The following EXOC6B variants were observed in gnomAD, a reference collection of about 807,000 sequenced individuals.
EXOC6B encodes the protein SEC15 homolog B.
EXOC6B carries 54 observed loss-of-function variants against 113.5 expected under a neutral mutation model. The observed-to-expected ratio is 0.48, with a 90% confidence interval of 0.38 to 0.60. The LOEUF (loss-of-function observed/expected upper bound fraction) is 0.60, where lower values mean the gene tolerates loss of function less well. Among genes scored for constraint, EXOC6B ranks in the 20% least tolerant of loss-of-function variants. The pLI is 0.00. For missense variants in EXOC6B, 797 were observed against 977.5 expected, an observed-to-expected ratio of 0.82 and a Z score of 2.46; for synonymous variants, 357 against 339.0, an observed-to-expected ratio of 1.05 and a Z score of -0.58.
chr2:72,197,515 C>T (rs979628267), intron 20 of EXOC6B, among the ~76,000 whole-genome samples: 11 of 151,938 alleles, frequency 7.2e-5, no homozygotes, highest in African/African-American at 2.4e-4. Context: ...CTATATTCCA[C>T]GGGGAGTGGT....
chr2:72,179,405 C>T lies in EXOC6B; in HGVS notation c.2366G>A (p.Arg789Gln), dbSNP rs1377247338. 1.9e-6 allele frequency: 3 copies of T among 1,613,630 alleles called. No homozygotes were observed. Among genetic ancestry groups the T allele is most frequent in the Non-Finnish European group, 2.5e-6 (3 of 1,179,844 alleles). ...GGTGTCAATGAGTTTCTGCTTGTCTCGCTCATTTTTCCGAAACTGTGCAAA... is the reference window on the plus strand; with the variant it reads ...GGTGTCAATGAGTTTCTGCTTGTCTTGCTCATTTTTCCGAAACTGTGCAAA... ...NMFAQFRKNE[R>Q]DKQKLIDTVA... The change falls in exon 22 of 22, where the codon CGA (arginine) becomes CAA (glutamine). Residue 789 changes from arginine (R) to glutamine (Q), a missense_variant. Arg to Gln is a conservative substitution (Grantham distance 43, BLOSUM62 1). Transcript: ENST00000272427.
chr2:72,807,420 G>C (rs541256688), intron 1 of EXOC6B, among the ~76,000 whole-genome samples: 1 of 152,216 alleles, frequency 6.6e-6, no homozygotes, highest in South Asian at 2.1e-4. Context: ...TTTGGTTACT[G>C]AATCCCTGTA....
At chr2:72,631,497 G>T (rs1458851688) in intron 6 of EXOC6B, among the ~76,000 whole-genome samples, 7 of 112,986 alleles carry the variant, frequency 6.2e-5, no homozygotes, top group African/African-American at 2.0e-4. Context: ...GAGAGAGAGA[G>T]AGAGAGAGAG....
chr2:72,374,946 T>A lies in EXOC6B; in HGVS notation c.2122+4783A>T, dbSNP rs565507820. 1.1e-3 allele frequency among the ~76,000 whole-genome samples: 163 copies of A among 151,912 alleles called. 2 individuals are homozygous for A. The South Asian group carries it at 0.011, about 10-fold the overall frequency. On this transcript the variant is annotated intron_variant, in intron 19 of 21. Coordinates refer to ENST00000272427, the MANE Select transcript of EXOC6B (RefSeq NM_015189.3). ...AGCTGTGTACAACTTCATATTTTTT[T>A]AAAAAATTAAAAGAGAAAGATAGAA... is the stretch of plus-strand genomic sequence containing the variant.
chr2:72,579,122 C>T (rs1446891), intron 6 of EXOC6B, among the ~76,000 whole-genome samples: 134,038 of 152,154 alleles, frequency 0.88, 59,144 homozygotes, highest in East Asian at 0.99. Flanking sequence ...CAACAGATTA[C>T]AAGAAGCAAA....
Position 72,493,326 on chromosome 2 carries a change from C to G in EXOC6B, c.1554-897G>C, listed in dbSNP as rs1476343196. ...GTACCTTCTCTGTTTTTCTCCCCCC[C>G]CCCCCCCCGCATTTTTACATAGGAA... is the stretch of plus-strand genomic sequence containing the variant. On this transcript the variant is annotated intron_variant, in intron 15 of 21. Transcript: ENST00000272427. 3.3e-4 allele frequency among the ~76,000 whole-genome samples: 48 copies of G among 143,424 alleles called. 1 individual carries two copies. Among genetic ancestry groups the G allele is most frequent in the African/African-American group, 1.1e-3 (39 of 36,346 alleles). 94.1% of individuals were successfully genotyped at this position (143,424 alleles called of 152,430 possible).
chr2:72,707,176 T>A (rs1035373852), intron 6 of EXOC6B, among the ~76,000 whole-genome samples: 1 of 152,184 alleles, frequency 6.6e-6, no homozygotes, highest in African/African-American at 2.4e-5. Context: ...AATAAAATCA[T>A]TGGTGTTTTT....
At chr2:72,331,132 T>C (rs1016112798) in intron 20 of EXOC6B, among the ~76,000 whole-genome samples, 3 of 152,138 alleles carry the variant, frequency 2.0e-5, no homozygotes, top group African/African-American at 4.8e-5. Context: ...GAAACATACA[T>C]AATGGCTTCA....
chr2:72,765,989 T>C (rs1683036825), intron 1 of EXOC6B, among the ~76,000 whole-genome samples: 1 of 152,226 alleles, frequency 6.6e-6, no homozygotes, highest in Non-Finnish European at 1.5e-5. Context: ...GCACTGTTAT[T>C]ATTTTCTCAA....
rs75459335 is a variant in EXOC6B at position 72,492,402 on chromosome 2, C to A, written c.1581G>T (p.Arg527=). 3.9e-3 allele frequency: 6,302 copies of A among 1,612,508 alleles called. 209 individuals carry two copies. In the African/African-American group the frequency reaches 0.07, roughly 18 times the overall value. The change falls in exon 16 of 22, where the codon CGG becomes CGT. Residue 527 remains arginine, a synonymous_variant. Transcript: ENST00000272427. The part of the protein sequence containing the change: ...LSSTEVDDMI[R]KSTNLLLTRT... ...TGGTTAGCAACAGGTTTGTTGATTT[C>A]CGAATCATGTCATCAACTTCAGTTG...
intron 17 of EXOC6B, among the ~76,000 whole-genome samples, chr2:72,469,298 T>C (rs1015754961): frequency 1.6e-4 from 24 of 152,132 alleles, no homozygotes; most frequent in African/African-American, 5.1e-4. Flanking sequence ...TTTTCATTGA[T>C]TTCTGCTCTA....
chr2:72,319,646 A>C (rs1353857197), intron 20 of EXOC6B, among the ~76,000 whole-genome samples: 2 of 152,252 alleles, frequency 1.3e-5, no homozygotes, highest in African/African-American at 2.4e-5. Flanking sequence ...ACTTATAATG[A>C]ATATGGAACA....
At chr2:72,199,321 C>T (rs1005212040) in intron 20 of EXOC6B, among the ~76,000 whole-genome samples, 2 of 152,154 alleles carry the variant, frequency 1.3e-5, no homozygotes, top group African/African-American at 4.8e-5. Flanking sequence ...TACAAGCAGG[C>T]CCAGTAGGTA....
chr2:72,418,881 T>TC (rs982148610), intron 18 of EXOC6B, among the ~76,000 whole-genome samples: 3 of 152,102 alleles, frequency 2.0e-5, no homozygotes, highest in African/African-American at 4.8e-5. Context: ...CGACCTTCTG[T>TC]CCCCCCCTTA....
chr2:72,233,979 G>A (rs1370497992), intron 20 of EXOC6B, among the ~76,000 whole-genome samples: 1 of 151,230 alleles, frequency 6.6e-6, no homozygotes, highest in East Asian at 1.9e-4. Flanking sequence ...TAAGGCGTGT[G>A]CCCCATCCAC....
intron 20 of EXOC6B, among the ~76,000 whole-genome samples, chr2:72,297,859 G>A (rs1403293140): frequency 6.6e-6 from 1 of 152,100 alleles, no homozygotes; most frequent in Non-Finnish European, 1.5e-5. Context: ...CTGAGAGACT[G>A]TTTATGATTT....
intron 20 of EXOC6B, among the ~76,000 whole-genome samples, chr2:72,214,695 T>C (rs537884468): frequency 6.6e-6 from 1 of 152,270 alleles, no homozygotes; most frequent in Admixed American, 6.5e-5. Flanking sequence ...AGATGGCCAC[T>C]TGCAGGCTTC....
At chr2:72,296,485 T>C (rs953136270) in intron 20 of EXOC6B, among the ~76,000 whole-genome samples, 5 of 152,196 alleles carry the variant, frequency 3.3e-5, no homozygotes, top group African/African-American at 7.2e-5. Context: ...CCCATATGTA[T>C]AGCATACATT....
intron 19 of EXOC6B, among the ~76,000 whole-genome samples, chr2:72,345,662 T>C (rs751000600): frequency 1.3e-5 from 2 of 152,004 alleles, no homozygotes; most frequent in African/African-American, 2.4e-5. Context: ...CAGAGCTTGC[T>C]AGGGGACAGA....
Sources: allele counts gnomAD v4.1 joint callset (sites outside exome capture counted in the v4.1 genomes callset), GRCh38; gene constraint gnomAD v4.1.1; transcripts MANE v1.5; gene names NCBI Gene and HGNC (gene_info 2026-07-23, HGNC 2026-07-21).